GRID1: variants seen among roughly 807,000 people sequenced by gnomAD.
GRID1 encodes the protein glutamate ionotropic receptor delta type subunit 1, also known as glutamate receptor ionotropic, delta-1.
A neutral mutation model predicts 98.0 loss-of-function variants in GRID1; 28 were observed. That is an observed-to-expected ratio of 0.29 (90% CI 0.21 to 0.39). The LOEUF (loss-of-function observed/expected upper bound fraction) is 0.39. Ranked by LOEUF, GRID1 falls within the 10% of genes least tolerant of loss-of-function variation. The pLI, the probability that GRID1 is intolerant of heterozygous loss-of-function variation, is 1.00. For missense variants in GRID1, 1,111 were observed against 1,340.5 expected (o/e 0.83, Z 2.67); for synonymous variants, 553 against 538.5 (o/e 1.03, Z -0.37).
At chr10:86,330,796 A>G (rs7908719) in intron 2 of GRID1, among the ~76,000 whole-genome samples, 16,061 of 152,256 alleles carry the variant, frequency 0.11, 1,865 homozygotes, top group African/African-American at 0.29. Flanking sequence ...CAGGAGCAGC[A>G]CGTCCAGGAA....
At chr10:85,883,267 ATTTCC>A (rs1018877952) in intron 5 of GRID1, among the ~76,000 whole-genome samples, 2 of 151,838 alleles carry the variant, frequency 1.3e-5, no homozygotes, top group African/African-American at 4.8e-5. Flanking sequence ...TGTTCTGTTC[ATTTCC>A]TTTTCTATTT....
At chr10:85,707,042 A>G (rs1841528105) in intron 12 of GRID1, among the ~76,000 whole-genome samples, 1 of 152,250 alleles carries the variant, frequency 6.6e-6, no homozygotes, top group Non-Finnish European at 1.5e-5. Flanking sequence ...CAATCAGGAC[A>G]TAGGCATGGA....
At chr10:85,932,510 A>G (rs888286453) in intron 4 of GRID1, among the ~76,000 whole-genome samples, 3 of 152,102 alleles carry the variant, frequency 2.0e-5, no homozygotes, top group African/African-American at 4.8e-5. Context: ...CCAGCCCTCC[A>G]TCCACTTTCT....
chr10:86,121,535 TC>T (rs1337432081), intron 4 of GRID1, among the ~76,000 whole-genome samples: 2 of 147,016 alleles, frequency 1.4e-5, no homozygotes, highest in South Asian at 2.2e-4. Context: ...ATCACCATCA[TC>T]ACCATCACCA....
At chr10:86,221,932 C>T (rs943993272) in intron 2 of GRID1, among the ~76,000 whole-genome samples, 1 of 151,244 alleles carries the variant, frequency 6.6e-6, no homozygotes, top group East Asian at 2.0e-4. Flanking sequence ...CCGGAAGGAA[C>T]AGGGGTAGGG....
At chr10:85,882,590 G>C (rs1187899242) in intron 5 of GRID1, among the ~76,000 whole-genome samples, 1 of 152,142 alleles carries the variant, frequency 6.6e-6, no homozygotes, top group African/African-American at 2.4e-5. Flanking sequence ...CATGGACACA[G>C]GAAGGGGAAC....
intron 2 of GRID1, among the ~76,000 whole-genome samples, chr10:86,240,091 A>G (rs1399804660): frequency 6.6e-6 from 1 of 152,202 alleles, no homozygotes; most frequent in Non-Finnish European, 1.5e-5. Flanking sequence ...CATTGATCTT[A>G]TACTTCCAGC....
chr10:85,843,139 A>T (rs1842975289), intron 8 of GRID1, among the ~76,000 whole-genome samples: 1 of 152,038 alleles, frequency 6.6e-6, no homozygotes. Context: ...AGACCCACAC[A>T]AATATGCCAA....
At chr10:86,222,400 C>A (rs1051908872) in intron 2 of GRID1, among the ~76,000 whole-genome samples, 8 of 152,152 alleles carry the variant, frequency 5.3e-5, no homozygotes, top group Admixed American at 1.3e-4. Context: ...TTGAGGGACT[C>A]GGTGCCATCT....
At chr10:86,276,500 C>T (rs773148914) in intron 2 of GRID1, among the ~76,000 whole-genome samples, 9 of 150,938 alleles carry the variant, frequency 6.0e-5, no homozygotes, top group South Asian at 2.1e-4. Flanking sequence ...ATACTCAATA[C>T]GACTTTTTTT....
At chr10:86,245,079 C>T (rs1250734026) in intron 2 of GRID1, among the ~76,000 whole-genome samples, 5 of 152,234 alleles carry the variant, frequency 3.3e-5, no homozygotes, top group Admixed American at 6.5e-5. Context: ...CCTCCTGAGG[C>T]GATGGCGGGG....
At chr10:86,165,852 C>A (rs1392485089) in intron 3 of GRID1, among the ~76,000 whole-genome samples, 2 of 152,150 alleles carry the variant, frequency 1.3e-5, no homozygotes, top group African/African-American at 4.8e-5. Context: ...TCAGCAGGGC[C>A]TGGGATTCAG....
chr10:85,719,699 T>C (rs1235768149), intron 12 of GRID1, among the ~76,000 whole-genome samples: 1 of 152,072 alleles, frequency 6.6e-6, no homozygotes, highest in Non-Finnish European at 1.5e-5. Flanking sequence ...ATAATTCAGG[T>C]TGAGATTCGG....
At chr10:86,360,792 G>A (rs1034185013) in intron 2 of GRID1, among the ~76,000 whole-genome samples, 4 of 152,208 alleles carry the variant, frequency 2.6e-5, no homozygotes, top group African/African-American at 9.7e-5. Context: ...GGAAACAGAA[G>A]CTCAGAGCAG....
At chr10:85,624,477 G>T (rs1220186609) in intron 13 of GRID1, among the ~76,000 whole-genome samples, 1 of 152,168 alleles carries the variant, frequency 6.6e-6, no homozygotes, top group Non-Finnish European at 1.5e-5. Context: ...CAACACTCCA[G>T]GCCCTTTTGA....
At chr10:85,697,035 T>G (rs1841402137) in intron 12 of GRID1, among the ~76,000 whole-genome samples, 1 of 152,100 alleles carries the variant, frequency 6.6e-6, no homozygotes, top group African/African-American at 2.4e-5. Context: ...TTTAATTCTA[T>G]GGCTCAAAAA....
chr10:85,855,326 C>A (rs1843099414), intron 7 of GRID1, among the ~76,000 whole-genome samples: 3 of 152,336 alleles, frequency 2.0e-5, no homozygotes, highest in African/African-American at 7.2e-5. Flanking sequence ...CGTGGTGAGC[C>A]CCTTTCTCTC....
chr10:86,063,032 T>C (rs182962973), intron 4 of GRID1, among the ~76,000 whole-genome samples: 4 of 152,322 alleles, frequency 2.6e-5, no homozygotes, highest in African/African-American at 9.6e-5. Context: ...CGTTCAGGAA[T>C]CTGTCACAAG....
chr10:86,157,900 G>A (rs989649667), intron 3 of GRID1, among the ~76,000 whole-genome samples: 1 of 152,216 alleles, frequency 6.6e-6, no homozygotes, highest in African/African-American at 2.4e-5. Flanking sequence ...GTGGCTGCCT[G>A]AGCTCCGGCT....
Sources: allele counts gnomAD v4.1 joint callset (sites outside exome capture counted in the v4.1 genomes callset), GRCh38; gene constraint gnomAD v4.1.1; transcripts MANE v1.5; gene names NCBI Gene and HGNC (gene_info 2026-07-23, HGNC 2026-07-21).